The following COL6A6 variants were observed in gnomAD, a reference collection of about 807,000 sequenced individuals.
COL6A6 encodes the protein collagen alpha-6(VI) chain.
COL6A6 carries 183 observed loss-of-function variants against 208.6 expected under a neutral mutation model. The observed-to-expected ratio is 0.88, with a 90% CI of 0.78 to 0.99. COL6A6 has a LOEUF of 0.99. Ranked by LOEUF, COL6A6 falls within the 50% of genes least tolerant of loss-of-function variation. COL6A6 has a pLI of 0.00. For missense variants in COL6A6, 2,816 were observed against 2,815.2 expected, an observed-to-expected ratio of 1.00 and a Z score of -0.01; for synonymous variants, 973 against 1,011.8, an observed-to-expected ratio of 0.96 and a Z score of 0.73.
intron 11 of COL6A6, among the ~76,000 whole-genome samples, chr3:130,588,212 G>A (rs550633790): frequency 4.7e-4 from 72 of 152,288 alleles, no homozygotes; most frequent in Non-Finnish European, 8.7e-4. Flanking sequence ...AACAATCAAA[G>A]GGAGAAAATT....
At chr3:130,658,004 G>A (rs1249715731) in intron 33 of COL6A6, among the ~76,000 whole-genome samples, 1 of 152,068 alleles carries the variant, frequency 6.6e-6, no homozygotes, top group Non-Finnish European at 1.5e-5. Context: ...CTACCCTCAA[G>A]CTCCCCCTGT....
At chr3:130,627,514 A>T in intron 26 of COL6A6, 145 bp downstream of exon 26, 1 of 693,270 alleles carries the variant, frequency 1.4e-6, no homozygotes, top group Non-Finnish European at 2.6e-6. Context: ...ATTTGCTGCT[A>T]TCCCATGAGG....
chr3:130,659,568 T>A (rs1193705410), intron 34 of COL6A6, among the ~76,000 whole-genome samples: 1 of 152,202 alleles, frequency 6.6e-6, no homozygotes, highest in Non-Finnish European at 1.5e-5. Flanking sequence ...GTCTTTAAAA[T>A]CACCCTAAAA....
intron 28 of COL6A6, among the ~76,000 whole-genome samples, chr3:130,639,712 G>A (rs980287182): frequency 7.3e-6 from 1 of 137,424 alleles, no homozygotes; most frequent in Non-Finnish European, 1.5e-5. Flanking sequence ...AAAAAAAAAT[G>A]ACTGATTGGA....
chr3:130,551,597 C>G (rs1195182282), intron 1 of COL6A6, among the ~76,000 whole-genome samples: 2 of 147,468 alleles, frequency 1.4e-5, no homozygotes, highest in Non-Finnish European at 3.0e-5. Context: ...TAATTTTTTT[C>G]AAAGAACCAA....
rs893017518 is a variant in COL6A6 at position 130,517,201 on chromosome 3, C to T, written c.-228C>T. On this transcript the variant is annotated 5_prime_UTR_variant, in exon 1 of 37. Transcript: ENST00000358511. The stretch of plus-strand genomic sequence containing the variant: ...TGCCACCCGCTTGCCTGCGGGACAC[C>T]GGAGTCAAGAGGCTGCCCACGCCGC... 7.9e-5 allele frequency among the ~76,000 whole-genome samples: 12 copies of T among 152,332 alleles called. No individual in the cohort carries two copies. Among genetic ancestry groups the T allele is most frequent in the African/African-American group, 2.9e-4 (12 of 41,584 alleles).
chr3:130,634,770 A>G lies in COL6A6; in HGVS notation c.5028+145A>G, dbSNP rs1307736259. On this transcript the variant is annotated intron_variant, in intron 27 of 36. Transcript: ENST00000358511. ...GAAGGAGGGAAGAAAGAAATAGACC[A>G]ATATTTTTTCAATTTTTAAGATTAT... is the stretch of plus-strand genomic sequence containing the variant. 3 of 601,328 alleles carry G rather than the reference A, an allele frequency of 5.0e-6. No individual in the cohort carries two copies. The East Asian group carries it at 9.2e-5, about 19-fold the overall frequency. 37.2% of individuals were successfully genotyped at this position (601,328 alleles called of 1,614,324 possible).
At chr3:130,568,850 C>T (rs1289989007) in intron 6 of COL6A6, among the ~76,000 whole-genome samples, 1 of 152,146 alleles carries the variant, frequency 6.6e-6, no homozygotes, top group African/African-American at 2.4e-5. Context: ...AAAATGGTAT[C>T]ATACCAGTTC....
intron 23 of COL6A6, among the ~76,000 whole-genome samples, chr3:130,620,252 G>A (rs1241487300): frequency 2.0e-5 from 3 of 152,104 alleles, no homozygotes; most frequent in Non-Finnish European, 2.9e-5. Flanking sequence ...GAATTCATAC[G>A]GGTGCCATTC....
In COL6A6 at chr3:130,571,105, C is replaced by CACAT. The variant is rs565043094; in HGVS notation, c.2690_2693dup (p.Met898IlefsTer5). ...TGCTGAGGCACTGGGCTTCTCAGAC[C>CACAT]ACATGTTCACTGAAGCCCGGGGCAG... On this transcript the variant is annotated frameshift_variant, in exon 7 of 37. Transcript: ENST00000358511. LOFTEE classifies it high-confidence loss of function. 339 of 1,613,910 alleles carry CACAT rather than the reference C, an allele frequency of 2.1e-4. 1 individual carries two copies. In the African/African-American group the frequency reaches 3.4e-3, roughly 16 times the overall value.
At chr3:130,529,043 TC>T (rs1433702730) in intron 1 of COL6A6, among the ~76,000 whole-genome samples, 1 of 151,998 alleles carries the variant, frequency 6.6e-6, no homozygotes, top group Non-Finnish European at 1.5e-5. Flanking sequence ...TGAGCTGAGA[TC>T]ATGCCGCCAC....
In COL6A6 at chr3:130,570,125, G is replaced by A. The variant is rs531991726; in HGVS notation, c.2402-693G>A. Among the ~76,000 whole-genome samples, 6 of 152,334 alleles carry A rather than the reference G, an allele frequency of 3.9e-5. No individual in the cohort carries two copies. The East Asian group carries it at 1.2e-3, about 29-fold the overall frequency. ...CTTTGGAGGGAACATGCTCCACATG[G>A]ATTAAGAATTAATTGGGTCTTTCCT... On this transcript the variant is annotated intron_variant, in intron 6 of 36. Coordinates refer to ENST00000358511, the MANE Select transcript of COL6A6 (RefSeq NM_001102608.3).
intron 20 of COL6A6, among the ~76,000 whole-genome samples, chr3:130,604,507 A>AT (rs912210981): frequency 6.6e-6 from 1 of 152,072 alleles, no homozygotes; most frequent in Non-Finnish European, 1.5e-5. Flanking sequence ...AAAAAAAAAA[A>AT]AAAAAATTCC....
intron 35 of COL6A6, among the ~76,000 whole-genome samples, chr3:130,664,098 G>C (rs1049029495): frequency 6.6e-6 from 1 of 152,100 alleles, no homozygotes; most frequent in African/African-American, 2.4e-5. Flanking sequence ...TAGCTCCCTC[G>C]CTTTGTGGCT....
In COL6A6 at chr3:130,574,234, G is replaced by A. The variant is rs996945008; in HGVS notation, c.3256G>A (p.Val1086Met). 9 of 1,613,922 alleles carry A rather than the reference G, an allele frequency of 5.6e-6. No individual in the cohort carries two copies. Among genetic ancestry groups the A allele is most frequent in the South Asian group, 3.3e-5 (3 of 91,090 alleles). ...ACACATCGGTGCTGCACTCAGGGAGGTGGAACATTACTTCAGGCCAGACAT... is the reference window on the plus strand; with the variant it reads ...ACACATCGGTGCTGCACTCAGGGAGATGGAACATTACTTCAGGCCAGACAT... ...NTHIGAALRE[V>M]EHYFRPDMGS... Residue 1086 changes from valine to methionine, a missense_variant, in exon 8 of 37, where the codon GTG becomes ATG. Physicochemically the swap from Val to Met is conservative, Grantham distance 21 (BLOSUM62 1). Coordinates refer to ENST00000358511, the MANE Select transcript of COL6A6 (RefSeq NM_001102608.3).
rs2063954853 is a variant in COL6A6 at position 130,599,750 on chromosome 3, T to G, written c.4600-7T>G. 6.2e-7 allele frequency: 1 copy of G among 1,613,502 alleles called. No homozygotes were observed. Among genetic ancestry groups the G allele is most frequent in the African/African-American group, 1.3e-5 (1 of 74,874 alleles). On this transcript the variant is annotated splice_region_variant and splice_polypyrimidine_tract_variant and intron_variant, in intron 19 of 36. Coordinates refer to ENST00000358511, the MANE Select transcript of COL6A6 (RefSeq NM_001102608.3). Reference sequence around the variant, plus strand: ...TACCGTCACACATCTGTCTGTTCCTTTGACAGGGCAGAAGAGGCTGGCCAG... The same window carrying G: ...TACCGTCACACATCTGTCTGTTCCTGTGACAGGGCAGAAGAGGCTGGCCAG...
rs200502168 is a variant in COL6A6, at chr3:130,563,196, C to T, written c.193C>T (p.Arg65Cys). Residue 65 changes from arginine to cysteine, a missense_variant, in exon 3 of 37, where the codon CGT becomes TGT. Transcript: ENST00000358511. ...SSLPIEADKY[R>C]VALAQYSDKL... ...TCTCCCCATAGAGGCCGACAAATAC[C>T]GTGTGGCCCTGGCCCAGTACAGTGA... 7.0e-5 allele frequency: 113 copies of T among 1,613,844 alleles called. No homozygotes were observed. The highest frequency in any genetic ancestry group is 5.9e-4 in the African/African-American group (44 of 74,916).
chr3:130,628,347 T>C (rs897840820), intron 26 of COL6A6, among the ~76,000 whole-genome samples: 3 of 152,218 alleles, frequency 2.0e-5, no homozygotes, highest in Admixed American at 1.3e-4. Flanking sequence ...TTTATAATTA[T>C]GTAAATAAAT....
At chr3:130,599,945 C>T (rs77323078) in intron 20 of COL6A6, 135 bp downstream of exon 20, 11,945 of 781,048 alleles carry the variant, frequency 0.015, 115 homozygotes, top group Middle Eastern at 0.037. Context: ...TATGACATCT[C>T]GCAGACCAGG....
Sources: gnomAD v4.1 joint callset for allele counts (sites outside exome capture counted in the v4.1 genomes callset) on GRCh38, gnomAD v4.1.1 for gene constraint, MANE v1.5 for transcripts, NCBI Gene and HGNC (gene_info 2026-07-23, HGNC 2026-07-21) for gene names.